PRKG1: variants seen among roughly 807,000 people sequenced by gnomAD.
PRKG1 encodes the protein cGMP-dependent protein kinase 1.
A neutral mutation model predicts 88.1 loss-of-function variants in PRKG1; 35 were observed. The observed-to-expected ratio is 0.40, with a 90% confidence interval of 0.30 to 0.53. PRKG1 has a LOEUF of 0.53. Ranked by LOEUF, PRKG1 falls within the 20% of genes least tolerant of loss-of-function variation. PRKG1 has a pLI of 0.59. For synonymous variants in PRKG1, 303 were observed against 292.5 expected, an observed-to-expected ratio of 1.04 and a Z score of -0.37; for missense variants, 540 against 839.8, an observed-to-expected ratio of 0.64 and a Z score of 4.41.
intron 9 of PRKG1, among the ~76,000 whole-genome samples, chr10:52,177,941 C>T (rs191413298): frequency 6.8e-6 from 1 of 147,950 alleles, no homozygotes; most frequent in African/African-American, 2.5e-5. Context: ...AAAAAAACAA[C>T]TTTTTGTTTT....
chr10:51,835,612 A>G (rs1456842077), intron 4 of PRKG1, among the ~76,000 whole-genome samples: 2 of 152,236 alleles, frequency 1.3e-5, no homozygotes, highest in African/African-American at 4.8e-5. Flanking sequence ...TATCAATTAT[A>G]TCACATTTTA....
chr10:51,848,831 A>C (rs1192559002), intron 4 of PRKG1, among the ~76,000 whole-genome samples: 1 of 149,680 alleles, frequency 6.7e-6, no homozygotes, highest in African/African-American at 2.5e-5. Context: ...TTAAGCAAAG[A>C]GTCTATGGTT....
chr10:51,117,583 G>A (rs1031989901), intron 1 of PRKG1, among the ~76,000 whole-genome samples: 1 of 152,212 alleles, frequency 6.6e-6, no homozygotes, highest in Non-Finnish European at 1.5e-5. Context: ...GGTACTGTGT[G>A]TGTTTGATAT....
chr10:51,922,067 T>A (rs1422924623), intron 5 of PRKG1, among the ~76,000 whole-genome samples: 1 of 151,960 alleles, frequency 6.6e-6, no homozygotes, highest in African/African-American at 2.4e-5. Context: ...AGGTTATTAA[T>A]TATTGATTTA....
chr10:51,328,445 T>G (rs559606694), intron 2 of PRKG1, among the ~76,000 whole-genome samples: 1 of 152,344 alleles, frequency 6.6e-6, no homozygotes, highest in South Asian at 2.1e-4. Flanking sequence ...AACACGGAAG[T>G]GCAAATATCT....
At chr10:52,035,215 A>G (rs932478922) in intron 5 of PRKG1, among the ~76,000 whole-genome samples, 6 of 152,126 alleles carry the variant, frequency 3.9e-5, no homozygotes, top group African/African-American at 1.4e-4. Context: ...CAGTGAAAGT[A>G]TCTACCTAGA....
chr10:51,677,568 A>C (rs990808026), intron 3 of PRKG1, among the ~76,000 whole-genome samples: 1 of 152,222 alleles, frequency 6.6e-6, no homozygotes, highest in African/African-American at 2.4e-5. Context: ...ACAGAACAGT[A>C]AGAATTCTGC....
At chr10:51,774,084 G>A (rs190442877) in intron 3 of PRKG1, among the ~76,000 whole-genome samples, 161 of 152,178 alleles carry the variant, frequency 1.1e-3, no homozygotes, top group Non-Finnish European at 3.7e-4. Flanking sequence ...TTGTTGGAGA[G>A]GTGGAGTCTC....
At chr10:52,073,661 G>A (rs930288204) in intron 7 of PRKG1, among the ~76,000 whole-genome samples, 4 of 152,158 alleles carry the variant, frequency 2.6e-5, no homozygotes, top group Non-Finnish European at 5.9e-5. Context: ...GCACAGCACA[G>A]GACCCAAATA....
chr10:51,937,690 C>T (rs1043098322), intron 5 of PRKG1, among the ~76,000 whole-genome samples: 17 of 151,998 alleles, frequency 1.1e-4, no homozygotes, highest in Non-Finnish European at 2.4e-4. Context: ...GACTTCTGGT[C>T]AGCATGCTAA....
chr10:52,117,595 A>G (rs1441496907), intron 7 of PRKG1, among the ~76,000 whole-genome samples: 1 of 152,114 alleles, frequency 6.6e-6, no homozygotes, highest in Admixed American at 6.6e-5. Context: ...CTCGGAAATT[A>G]CTTGTGAGAG....
At chr10:51,154,935 T>C (rs922868378) in intron 2 of PRKG1, among the ~76,000 whole-genome samples, 2 of 151,978 alleles carry the variant, frequency 1.3e-5, no homozygotes, top group Admixed American at 6.6e-5. Context: ...AATATAAAGA[T>C]AGAGGCAATA....
chr10:51,376,041 C>T (rs540454799), intron 2 of PRKG1, among the ~76,000 whole-genome samples: 6 of 152,148 alleles, frequency 3.9e-5, no homozygotes, highest in South Asian at 2.1e-4. Flanking sequence ...ATTTGCAAAC[C>T]GACAAGAGGT....
At chr10:51,372,393 T>G (rs1436060125) in intron 2 of PRKG1, among the ~76,000 whole-genome samples, 1 of 152,200 alleles carries the variant, frequency 6.6e-6, no homozygotes, top group Non-Finnish European at 1.5e-5. Context: ...GCTAAATCAC[T>G]TTACTAATTC....
chr10:51,885,835 C>T (rs1361608783), intron 4 of PRKG1, among the ~76,000 whole-genome samples: 1 of 152,154 alleles, frequency 6.6e-6, no homozygotes, highest in Non-Finnish European at 1.5e-5. Context: ...ACTCCCAAAG[C>T]ACATGATTAC....
At chr10:51,042,638 G>A (rs74447961) in intron 1 of PRKG1, among the ~76,000 whole-genome samples, 2,277 of 152,246 alleles carry the variant, frequency 0.015, 126 homozygotes, top group Admixed American at 0.11. Context: ...GAACAGAGAA[G>A]AAAGGAGGCT....
intron 2 of PRKG1, among the ~76,000 whole-genome samples, chr10:51,187,740 A>G (rs1004427846): frequency 1.3e-5 from 2 of 152,032 alleles, no homozygotes; most frequent in African/African-American, 4.8e-5. Flanking sequence ...CTCAGAACAT[A>G]AGGCTACAAT....
rs1445124917 is a variant in PRKG1 at position 51,050,375 on chromosome 10, C to A, written c.266+58731C>A. 2.0e-5 allele frequency among the ~76,000 whole-genome samples: 3 copies of A among 152,064 alleles called. No homozygotes were observed. In the East Asian group the frequency reaches 5.8e-4, roughly 29 times the overall value. Reference sequence around the variant, plus strand: ...CATTGTACTCTCTGCCTCTACACATCTGACTATTTTAGATTCCTTATAAAA... The same window carrying A: ...CATTGTACTCTCTGCCTCTACACATATGACTATTTTAGATTCCTTATAAAA... On this transcript the variant is annotated intron_variant, in intron 1 of 17. Coordinates refer to the PRKG1 transcript ENST00000401604.
intron 5 of PRKG1, among the ~76,000 whole-genome samples, chr10:51,956,268 A>G (rs969413778): frequency 2.0e-5 from 3 of 151,984 alleles, no homozygotes; most frequent in African/African-American, 7.2e-5. Flanking sequence ...AAGCTCTGTT[A>G]TTCTTAGTAT....
Sources: allele counts gnomAD v4.1 joint callset (sites outside exome capture counted in the v4.1 genomes callset), GRCh38; gene constraint gnomAD v4.1.1; transcripts MANE v1.5; gene names NCBI Gene and HGNC (gene_info 2026-07-23, HGNC 2026-07-21).